Variants in TOPAZ1 observed in about 807,000 individuals in gnomAD.
The protein encoded by TOPAZ1 is testis and ovary specific TOPAZ 1.
A neutral mutation model predicts 172.2 loss-of-function variants in TOPAZ1; 66 were observed. The ratio of observed to expected loss-of-function variants is 0.38; its 90% CI spans 0.31 to 0.47. The LOEUF is 0.47. Among genes scored for constraint, TOPAZ1 ranks in the 20% least tolerant of loss-of-function variants. The probability of loss-of-function intolerance (pLI) is 0.99; values close to 1 mark genes in which losing one functional copy is unlikely to be tolerated. For synonymous variants in TOPAZ1, 681 were observed against 683.9 expected, an observed-to-expected ratio of 1.00 and a Z score of 0.07; for missense variants, 1,822 against 1,972.4, an observed-to-expected ratio of 0.92 and a Z score of 1.44.
chr3:44,331,743 A>C, intron 19 of TOPAZ1, 49 bp from the exon 20 acceptor site: 1 of 1,313,226 alleles, frequency 7.6e-7, no homozygotes, highest in Non-Finnish European at 1.1e-6. Flanking sequence ...TGAAGAAACT[A>C]TATAGCTTTT....
At position 44,282,039 on chromosome 3, in the gene TOPAZ1, A is replaced by G; in HGVS notation, c.3436+8A>G. The G allele has an allele frequency of 6.7e-7, 1 of 1,488,280 alleles. No individual in the cohort carries two copies. The highest frequency in any genetic ancestry group is 9.1e-7 in the Non-Finnish European group (1 of 1,096,342). 92.2% of individuals were successfully genotyped at this position (1,488,280 alleles called of 1,614,324 possible). A position where few individuals can be genotyped will look rare whatever the true frequency, so the allele number is the denominator to read the frequency against. On this transcript the variant is annotated splice_region_variant and intron_variant, in intron 9 of 19. Coordinates refer to ENST00000309765, the MANE Select transcript of TOPAZ1 (RefSeq NM_001145030.2). ...GTTTGCTACAGCGTGCAGGTATGAA[A>G]CAATTAAATAATTAGTATGAAGCTA...
At position 44,244,115 on chromosome 3, in the gene TOPAZ1, A is replaced by G. The variant is rs1699527760; in HGVS notation, c.1609A>G (p.Asn537Asp). Residue 537 changes from asparagine to aspartate, a missense_variant, in exon 2 of 20, where the codon AAC becomes GAC. Around this residue, in one of 2 missense-constraint regions of TOPAZ1, gnomAD observed 1,489 missense variants for 1,490.8 expected, o/e 1.00. Transcript: ENST00000309765. ...AGTTGATGTCCCTAAACACCAAACA[A>G]ACCAGACCCATTTAACTGACTCCAA... The part of the protein sequence containing the change: ...RQVDVPKHQT[N>D]QTHLTDSKLL... 1.3e-6 allele frequency: 2 copies of G among 1,551,574 alleles called. No individual in the cohort carries two copies. Among genetic ancestry groups the G allele is most frequent in the East Asian group, 2.4e-5 (1 of 40,926 alleles).
intron 2 of TOPAZ1, among the ~76,000 whole-genome samples, chr3:44,246,896 A>G (rs1218776134): frequency 6.6e-6 from 1 of 152,254 alleles, no homozygotes; most frequent in Non-Finnish European, 1.5e-5. Context: ...CCTTGGAGGA[A>G]TACAAAGGAA....
At chr3:44,336,019 C>T (rs535629147), downstream of TOPAZ1, among the ~76,000 whole-genome samples, 46 of 152,282 alleles carry the variant, frequency 3.0e-4, no homozygotes, top group African/African-American at 1.1e-3. Context: ...AAATTGAACC[C>T]TTTGTGTGGA....
intron 5 of TOPAZ1, among the ~76,000 whole-genome samples, chr3:44,262,727 A>G (rs2125683256): frequency 6.6e-6 from 1 of 152,316 alleles, no homozygotes; most frequent in African/African-American, 2.4e-5. Context: ...AGGAGTAGTG[A>G]TAAAAAGAAA....
At chr3:44,296,056 A>C (rs926049716) in intron 12 of TOPAZ1, among the ~76,000 whole-genome samples, 7 of 152,226 alleles carry the variant, frequency 4.6e-5, no homozygotes, top group African/African-American at 1.4e-4. Flanking sequence ...GGAAATCAAC[A>C]ATGGAGGTAT....
intron 16 of TOPAZ1, among the ~76,000 whole-genome samples, chr3:44,315,607 G>C (rs181459451): frequency 4.0e-5 from 6 of 150,554 alleles, no homozygotes; most frequent in Admixed American, 4.0e-4. Flanking sequence ...GCTGGCCTCA[G>C]GTGATCCGCC....
At chr3:44,267,845 C>T (rs1699849334) in intron 6 of TOPAZ1, among the ~76,000 whole-genome samples, 1 of 152,054 alleles carries the variant, frequency 6.6e-6, no homozygotes, top group South Asian at 2.1e-4. Context: ...CCCTACTATA[C>T]CTACTGACTT....
intron 8 of TOPAZ1, among the ~76,000 whole-genome samples, chr3:44,271,745 T>G (rs1461877635): frequency 1.3e-5 from 2 of 152,188 alleles, no homozygotes; most frequent in African/African-American, 4.8e-5. Context: ...ATACTATCTT[T>G]TTTTGTGGCA....
intron 2 of TOPAZ1, among the ~76,000 whole-genome samples, chr3:44,245,746 A>C (rs1266001048): frequency 1.3e-5 from 2 of 151,972 alleles, no homozygotes; most frequent in Non-Finnish European, 2.9e-5. Context: ...TCACTGTGTT[A>C]GCCAGGATGG....
chr3:44,314,291 C>T (rs961887627), intron 16 of TOPAZ1, among the ~76,000 whole-genome samples: 4 of 152,026 alleles, frequency 2.6e-5, no homozygotes, highest in Admixed American at 2.6e-4. Context: ...TGTGAATTGC[C>T]TGTTTATGTT....
At chr3:44,292,713 T>G (rs529473468) in intron 12 of TOPAZ1, among the ~76,000 whole-genome samples, 4 of 152,334 alleles carry the variant, frequency 2.6e-5, no homozygotes, top group East Asian at 1.9e-4. Flanking sequence ...TAACGATACA[T>G]GTATACGATG....
chr3:44,298,419 C>T (rs1700223842), intron 12 of TOPAZ1, among the ~76,000 whole-genome samples: 1 of 152,110 alleles, frequency 6.6e-6, no homozygotes, highest in Non-Finnish European at 1.5e-5. Flanking sequence ...GATTGCACCA[C>T]TGCACTCCAG....
chr3:44,314,664 A>G (rs1025677914), intron 16 of TOPAZ1, among the ~76,000 whole-genome samples: 3 of 152,036 alleles, frequency 2.0e-5, no homozygotes, highest in African/African-American at 7.2e-5. Context: ...TAAGATAGTC[A>G]GCCTCCTGAG....
chr3:44,332,070 G>A lies in TOPAZ1; in HGVS notation c.*59G>A. 8.1e-7 allele frequency: 1 copy of A among 1,232,062 alleles called. No individual in the cohort carries two copies. Among genetic ancestry groups the A allele is most frequent in the East Asian group, 2.5e-5 (1 of 39,290 alleles). 76.3% of individuals were successfully genotyped at this position (1,232,062 alleles called of 1,614,324 possible). A position where few individuals can be genotyped will look rare whatever the true frequency, so the allele number is the denominator to read the frequency against. On this transcript the variant is annotated 3_prime_UTR_variant, in exon 20 of 20. Coordinates refer to ENST00000309765, the MANE Select transcript of TOPAZ1 (RefSeq NM_001145030.2). ...CAAGTAATCATTGTTGAAAATAAAA[G>A]GCAATAAAAATAGACAGTTTTCACT...
chr3:44,304,286 T>G (rs911664927), intron 13 of TOPAZ1, among the ~76,000 whole-genome samples: 2 of 152,236 alleles, frequency 1.3e-5, no homozygotes, highest in Non-Finnish European at 2.9e-5. Context: ...AGTTGTGGAC[T>G]GTACTAAAAA....
At chr3:44,286,292 T>C (rs1281411566) in intron 9 of TOPAZ1, among the ~76,000 whole-genome samples, 2 of 152,164 alleles carry the variant, frequency 1.3e-5, no homozygotes, top group African/African-American at 4.8e-5. Flanking sequence ...CTGGCTAACA[T>C]AGATTAACTG....
Position 44,267,094 on chromosome 3 carries a change from A to T in TOPAZ1, c.3118A>T (p.Ser1040Cys). The change falls in exon 6 of 20, where the codon AGT becomes TGT. Residue 1040 changes from serine (S) to cysteine (C), a missense_variant. Ser to Cys is a moderately radical substitution (Grantham distance 112, BLOSUM62 -1). This residue lies in a region of TOPAZ1 where 1,489 missense variants were observed against 1,490.8 expected (regional missense o/e 1.00). Transcript: ENST00000309765. ...LCLLVPPLNL[S>C]GRQEDTILNT... ...TTTATTAGTACCTCCTTTGAATCTA[A>T]GTGGTCGTCAAGAAGACACAATACT... 1.9e-6 allele frequency: 3 copies of T among 1,546,820 alleles called. No homozygotes were observed. The highest frequency in any genetic ancestry group is 2.6e-6 in the Non-Finnish European group (3 of 1,145,072).
intron 12 of TOPAZ1, among the ~76,000 whole-genome samples, chr3:44,295,156 G>C (rs972568769): frequency 2.0e-5 from 3 of 151,830 alleles, no homozygotes; most frequent in African/African-American, 4.8e-5. Context: ...ATATTTTTTA[G>C]TTGTTGCTCT....
Sources: gnomAD v4.1 joint callset for allele counts (sites outside exome capture counted in the v4.1 genomes callset) on GRCh38, gnomAD v4.1.1 for gene constraint, gnomAD v4.1.1 regional missense constraint, MANE v1.5 for transcripts, NCBI Gene and HGNC (gene_info 2026-07-23, HGNC 2026-07-21) for gene names.